The following HS6ST3 variants were observed in gnomAD, a reference collection of about 807,000 sequenced individuals.
The protein encoded by HS6ST3 is heparan sulfate 6-O-sulfotransferase 3.
A neutral mutation model predicts 36.7 loss-of-function variants in HS6ST3; 12 were observed. That is an observed-to-expected ratio of 0.33 (90% CI 0.21 to 0.53). The LOEUF is 0.53. Among genes scored for constraint, HS6ST3 ranks in the 20% least tolerant of loss-of-function variants. The probability of loss-of-function intolerance (pLI) is 0.95; values close to 1 mark genes in which losing one functional copy is unlikely to be tolerated. For missense variants in HS6ST3, 584 were observed against 640.9 expected, an observed-to-expected ratio of 0.91 and a Z score of 0.96; for synonymous variants, 240 against 257.5, an observed-to-expected ratio of 0.93 and a Z score of 0.65.
intron 1 of HS6ST3, among the ~76,000 whole-genome samples, chr13:96,529,373 G>T (rs184918975): frequency 2.0e-5 from 3 of 152,194 alleles, no homozygotes; most frequent in Admixed American, 6.5e-5. Context: ...TTGAATCAGG[G>T]TAGTCATGTT....
At chr13:96,217,457 G>T (rs954756873) in intron 1 of HS6ST3, among the ~76,000 whole-genome samples, 11 of 152,124 alleles carry the variant, frequency 7.2e-5, no homozygotes, top group Non-Finnish European at 1.5e-5. Flanking sequence ...GTTTGCATTT[G>T]TTCAGGGCAT....
chr13:96,359,632 T>C (rs1349794944), intron 1 of HS6ST3, among the ~76,000 whole-genome samples: 2 of 151,816 alleles, frequency 1.3e-5, no homozygotes, highest in Non-Finnish European at 2.9e-5. Flanking sequence ...GGTTCTTTCA[T>C]TGACACATAG....
intron 1 of HS6ST3, among the ~76,000 whole-genome samples, chr13:96,246,188 T>G (rs1233627855): frequency 6.6e-6 from 1 of 152,186 alleles, no homozygotes; most frequent in Non-Finnish European, 1.5e-5. Flanking sequence ...AAACCAGATT[T>G]AGTCCAGTAC....
chr13:96,410,784 A>G (rs193054970), intron 1 of HS6ST3, among the ~76,000 whole-genome samples: 1 of 152,366 alleles, frequency 6.6e-6, no homozygotes, highest in East Asian at 1.9e-4. Context: ...ATTGGAATAC[A>G]GATAAATAAC....
chr13:96,826,457 G>A (rs1223109358), intron 1 of HS6ST3, among the ~76,000 whole-genome samples: 1 of 152,038 alleles, frequency 6.6e-6, no homozygotes, highest in African/African-American at 2.4e-5. Context: ...CTCTGTAGTA[G>A]GTGCTGGGAC....
At chr13:96,206,265 GAAC>G (rs1430521838) in intron 1 of HS6ST3, among the ~76,000 whole-genome samples, 1 of 152,124 alleles carries the variant, frequency 6.6e-6, no homozygotes, top group Non-Finnish European at 1.5e-5. Flanking sequence ...GGGAAGTGAA[GAAC>G]CTCTTCAAGG....
At chr13:96,151,984 G>A (rs1286176775) in intron 1 of HS6ST3, among the ~76,000 whole-genome samples, 1 of 152,186 alleles carries the variant, frequency 6.6e-6, no homozygotes, top group Non-Finnish European at 1.5e-5. Context: ...TTATTTCCAA[G>A]TAAGGTTACA....
chr13:96,467,560 AAT>A (rs533118657), intron 1 of HS6ST3, among the ~76,000 whole-genome samples: 151 of 152,322 alleles, frequency 9.9e-4, no homozygotes, highest in African/African-American at 3.5e-3. Context: ...CACATTACTG[AAT>A]GTACAAGGCC....
At chr13:96,530,273 T>C (rs555924329) in intron 1 of HS6ST3, among the ~76,000 whole-genome samples, 1 of 152,282 alleles carries the variant, frequency 6.6e-6, no homozygotes, top group East Asian at 1.9e-4. Context: ...CTCTTAAGAT[T>C]CCTAGGGATT....
chr13:96,716,696 A>G (rs926681133), intron 1 of HS6ST3, among the ~76,000 whole-genome samples: 3 of 152,200 alleles, frequency 2.0e-5, no homozygotes, highest in Admixed American at 2.0e-4. Context: ...ATCCATCTAT[A>G]TAATCTAGAT....
intron 1 of HS6ST3, among the ~76,000 whole-genome samples, chr13:96,217,491 C>A (rs1444098986): frequency 6.6e-6 from 1 of 152,140 alleles, no homozygotes; most frequent in Non-Finnish European, 1.5e-5. Context: ...CACTAAGGGC[C>A]TTACTTGTGT....
chr13:96,181,394 C>G (rs79505315), intron 1 of HS6ST3, among the ~76,000 whole-genome samples: 1,641 of 152,278 alleles, frequency 0.011, 34 homozygotes, highest in African/African-American at 0.038. Context: ...GCGTCGTGCT[C>G]TTAAAATGTC....
chr13:96,190,614 C>A (rs1025521850), intron 1 of HS6ST3, among the ~76,000 whole-genome samples: 1 of 152,184 alleles, frequency 6.6e-6, no homozygotes, highest in African/African-American at 2.4e-5. Context: ...ATGAACAAAA[C>A]AAGCTTCTTG....
intron 1 of HS6ST3, among the ~76,000 whole-genome samples, chr13:96,368,513 A>AT (rs1491450347): frequency 6.9e-6 from 1 of 145,850 alleles, no homozygotes; most frequent in Non-Finnish European, 1.5e-5. Flanking sequence ...TTTTTTTTTT[A>AT]AAAAAAAAAC....
At chr13:96,094,027 C>G (rs774155557) in intron 1 of HS6ST3, among the ~76,000 whole-genome samples, 1 of 152,090 alleles carries the variant, frequency 6.6e-6, no homozygotes, top group African/African-American at 2.4e-5. Context: ...CCCAAAGCGC[C>G]TCCTCCCAAT....
chr13:96,479,949 T>G (rs113558306), intron 1 of HS6ST3, among the ~76,000 whole-genome samples: 34 of 152,268 alleles, frequency 2.2e-4, no homozygotes, highest in Non-Finnish European at 4.0e-4. Context: ...ATTGACCCAC[T>G]ATATTCTGCT....
intron 1 of HS6ST3, among the ~76,000 whole-genome samples, chr13:96,201,969 A>T (rs1307799960): frequency 3.3e-5 from 5 of 152,218 alleles, no homozygotes; most frequent in Admixed American, 3.3e-4. Context: ...GAATTTGCAT[A>T]TCGTGAAATA....
intron 1 of HS6ST3, among the ~76,000 whole-genome samples, chr13:96,144,442 A>G (rs576861817): frequency 1.0e-3 from 159 of 152,172 alleles, no homozygotes; most frequent in Non-Finnish European, 2.0e-3. Context: ...TTCAATGCAT[A>G]GGAGATTTCC....
chr13:96,393,939 T>G (rs2055408279), intron 1 of HS6ST3, among the ~76,000 whole-genome samples: 1 of 152,124 alleles, frequency 6.6e-6, no homozygotes, highest in Non-Finnish European at 1.5e-5. Flanking sequence ...TAGTGATCGT[T>G]TTTAGCTCAT....
Sources: allele counts gnomAD v4.1 joint callset (sites outside exome capture counted in the v4.1 genomes callset), GRCh38; gene constraint gnomAD v4.1.1; transcripts MANE v1.5; gene names NCBI Gene and HGNC (gene_info 2026-07-23, HGNC 2026-07-21).